ZFAND3: variants seen among roughly 807,000 people sequenced by gnomAD.
ZFAND3 encodes the protein zinc finger AN1-type containing 3.
Under a neutral mutation model 29.6 loss-of-function variants are expected in ZFAND3, and 10 were observed. That is an observed-to-expected ratio of 0.34 (90% confidence interval 0.21 to 0.57). ZFAND3 has a LOEUF of 0.57. Among genes scored for constraint, ZFAND3 ranks in the 20% least tolerant of loss-of-function variants. The pLI is 0.86. For missense variants in ZFAND3, 230 were observed against 304.5 expected (o/e 0.76, Z 1.82); for synonymous variants, 128 against 112.6 (o/e 1.14, Z -0.87).
chr6:38,012,263 T>A (rs985329947), intron 2 of ZFAND3, among the ~76,000 whole-genome samples: 10 of 152,280 alleles, frequency 6.6e-5, no homozygotes, highest in African/African-American at 2.2e-4. Context: ...CAGATAAATT[T>A]TGTATATACT....
intron 1 of ZFAND3, among the ~76,000 whole-genome samples, chr6:37,907,718 A>G (rs1010620407): frequency 6.6e-6 from 1 of 152,170 alleles, no homozygotes; most frequent in Non-Finnish European, 1.5e-5. Flanking sequence ...TCCTCTTTCA[A>G]CTTTTTATTT....
intron 2 of ZFAND3, among the ~76,000 whole-genome samples, chr6:38,055,343 C>T (rs762124593): frequency 6.6e-6 from 1 of 152,188 alleles, no homozygotes; most frequent in African/African-American, 2.4e-5. Flanking sequence ...CAGCAGTGTA[C>T]CCTGTGCAGG....
At chr6:37,893,862 T>C (rs779588903) in intron 1 of ZFAND3, among the ~76,000 whole-genome samples, 1 of 127,896 alleles carries the variant, frequency 7.8e-6, no homozygotes, top group Non-Finnish European at 1.9e-5. Context: ...CCCAGGACCT[T>C]TGTTTCTATC....
intron 4 of ZFAND3, among the ~76,000 whole-genome samples, chr6:38,110,199 C>G (rs941162844): frequency 2.6e-5 from 4 of 152,242 alleles, no homozygotes; most frequent in African/African-American, 9.6e-5. Context: ...ACCTTGTTCT[C>G]TGTCCACACA....
chr6:37,873,051 GATCGAGACC>G (rs1764723238), intron 1 of ZFAND3, among the ~76,000 whole-genome samples: 1 of 152,204 alleles, frequency 6.6e-6, no homozygotes, highest in South Asian at 2.1e-4. Context: ...GAGGTCAGGA[GATCGAGACC>G]ATCTTGGCTA....
At chr6:38,096,554 A>G (rs1033862896) in intron 4 of ZFAND3, among the ~76,000 whole-genome samples, 4 of 152,208 alleles carry the variant, frequency 2.6e-5, no homozygotes, top group Admixed American at 1.3e-4. Context: ...TCAAGATGCG[A>G]ATACTTGCTA....
At chr6:38,116,041 G>A (rs1172646090) in intron 4 of ZFAND3, among the ~76,000 whole-genome samples, 3 of 152,168 alleles carry the variant, frequency 2.0e-5, no homozygotes, top group Admixed American at 6.5e-5. Context: ...GAGTAGAAAC[G>A]TGAGTAATTT....
chr6:38,134,389 T>C (rs186660484), intron 5 of ZFAND3, among the ~76,000 whole-genome samples: 374 of 152,344 alleles, frequency 2.5e-3, no homozygotes, highest in Non-Finnish European at 4.3e-3. Context: ...ATTTCTTGCT[T>C]TGCTCTTTGT....
chr6:38,048,944 C>A (rs1012741772), intron 2 of ZFAND3, among the ~76,000 whole-genome samples: 1 of 152,162 alleles, frequency 6.6e-6, no homozygotes, highest in African/African-American at 2.4e-5. Flanking sequence ...TCATTTGTCT[C>A]TGTTTAAATC....
At chr6:37,830,513 T>G (rs957875309) in intron 1 of ZFAND3, among the ~76,000 whole-genome samples, 2 of 152,192 alleles carry the variant, frequency 1.3e-5, no homozygotes, top group Non-Finnish European at 2.9e-5. Context: ...AGATACAGAT[T>G]CCAAACTAAA....
Position 37,918,009 on chromosome 6 carries a change from G to C in ZFAND3, c.72-11950G>C, listed in dbSNP as rs116202548. ...TCCATATTTTGTAGATGTTCTGTCG[G>C]TATTTTTATCTTACCTGAATGACAT... On this transcript the variant is annotated intron_variant, in intron 1 of 5. Coordinates refer to ENST00000287218, the MANE Select transcript of ZFAND3 (RefSeq NM_021943.3). 5.0e-3 allele frequency among the ~76,000 whole-genome samples: 763 copies of C among 152,192 alleles called. 10 individuals carry two copies. The highest frequency in any genetic ancestry group is 0.015 in the African/African-American group (631 of 41,522).
intron 1 of ZFAND3, among the ~76,000 whole-genome samples, chr6:37,898,601 T>C (rs182030092): frequency 1.3e-5 from 2 of 152,342 alleles, no homozygotes; most frequent in East Asian, 3.9e-4. Flanking sequence ...TATATTTCCA[T>C]TTATGTAAGT....
At chr6:37,888,424 A>G (rs1248159876) in intron 1 of ZFAND3, among the ~76,000 whole-genome samples, 1 of 152,208 alleles carries the variant, frequency 6.6e-6, no homozygotes. Flanking sequence ...GGCATTATCA[A>G]TAGGAATACA....
At chr6:37,988,168 C>G (rs2036124) in intron 2 of ZFAND3, among the ~76,000 whole-genome samples, 3 of 152,080 alleles carry the variant, frequency 2.0e-5, no homozygotes, top group Non-Finnish European at 4.4e-5. Flanking sequence ...CCTATAGTAA[C>G]GTTATCTTTG....
chr6:38,072,123 A>G (rs1430684274), intron 3 of ZFAND3, among the ~76,000 whole-genome samples: 1 of 135,898 alleles, frequency 7.4e-6, no homozygotes, highest in African/African-American at 2.7e-5. Context: ...GAATAATGAG[A>G]GTCATTTTCT....
Position 38,076,471 on chromosome 6 carries a change from C to G in ZFAND3, c.296-5921C>G, listed in dbSNP as rs192491734. On this transcript the variant is annotated intron_variant, in intron 3 of 5. Transcript: ENST00000287218. ...TAATACGATTTTGTTGAGAAAGACA[C>G]CCTTATTAGCAAAATAGATAAGCTA... is the stretch of plus-strand genomic sequence containing the variant. Among the ~76,000 whole-genome samples the G allele has an allele frequency of 3.7e-4, 56 of 152,076 alleles. 1 individual carries two copies. The highest frequency in any genetic ancestry group is 3.3e-3 in the Admixed American group (50 of 15,272).
intron 2 of ZFAND3, among the ~76,000 whole-genome samples, chr6:38,035,075 A>G (rs1581857344): frequency 6.6e-6 from 1 of 151,760 alleles, no homozygotes; most frequent in South Asian, 2.1e-4. Context: ...TTCGGGGTTC[A>G]TAAATATAGG....
Position 38,015,034 on chromosome 6 carries a change from A to G in ZFAND3, c.113-46559A>G, listed in dbSNP as rs559204865. ...ATGATGACTAAACCAAGACTGGTAG[A>G]TGTAACCTTATACTTTATTTAAGGT... On this transcript the variant is annotated intron_variant, in intron 2 of 5. Transcript: ENST00000287218. Among the ~76,000 whole-genome samples the G allele has an allele frequency of 2.0e-5, 3 of 152,332 alleles. No individual in the cohort carries two copies. In the East Asian group the frequency reaches 5.8e-4, roughly 29 times the overall value.
chr6:37,954,349 C>G (rs1762049225), intron 2 of ZFAND3, among the ~76,000 whole-genome samples: 1 of 152,172 alleles, frequency 6.6e-6, no homozygotes, highest in Non-Finnish European at 1.5e-5. Context: ...AGTTATCCCA[C>G]AGCTAACTGA....
Sources: gnomAD v4.1 joint callset for allele counts (sites outside exome capture counted in the v4.1 genomes callset) on GRCh38, gnomAD v4.1.1 for gene constraint, MANE v1.5 for transcripts, NCBI Gene and HGNC (gene_info 2026-07-23, HGNC 2026-07-21) for gene names.